Variants in CDH12 observed in about 807,000 individuals in gnomAD.
CDH12 encodes cadherin 12.
A neutral mutation model predicts 74.1 loss-of-function variants in CDH12; 41 were observed. That is an observed-to-expected ratio of 0.55 (90% CI 0.43 to 0.72). CDH12 has a LOEUF of 0.72. Ranked by LOEUF, CDH12 falls within the 30% of genes least tolerant of loss-of-function variation. The probability of loss-of-function intolerance (pLI) is 0.00; values close to 1 mark genes in which losing one functional copy is unlikely to be tolerated. For missense variants in CDH12, 945 were observed against 977.2 expected (o/e 0.97, Z 0.44); for synonymous variants, 399 against 355.0 (o/e 1.12, Z -1.39).
chr5:22,433,993 C>T (rs1328983459), intron 2 of CDH12, among the ~76,000 whole-genome samples: 2 of 152,112 alleles, frequency 1.3e-5, no homozygotes, highest in African/African-American at 4.8e-5. Context: ...TTTTCTGAGT[C>T]GTTCTGATCA....
In CDH12 at chr5:22,831,349, GTT is replaced by G. The variant is rs71609782; in HGVS notation, c.-523+21707_-523+21708del. On this transcript the variant is annotated intron_variant, in intron 1 of 14. Transcript: ENST00000382254. ...GACAAAGGAAGGTAGGGGTTTTGGA[GTT>G]TGTGTGTGTGTGTGTGTGTCTGTGT... Among the ~76,000 whole-genome samples, 591 of 117,260 alleles carry G rather than the reference GTT, an allele frequency of 5.0e-3. 7 individuals are homozygous for G. The highest frequency in any genetic ancestry group is 0.012 in the Admixed American group (107 of 9,128). The allele number at this position is 117,260 out of a possible 152,430, so 76.9% of individuals were successfully genotyped here.
intron 1 of CDH12, among the ~76,000 whole-genome samples, chr5:22,745,080 C>A (rs1745224489): frequency 6.6e-6 from 1 of 151,508 alleles, no homozygotes; most frequent in South Asian, 2.1e-4. Flanking sequence ...ATTGACTTTT[C>A]ATTGGCCTAT....
chr5:22,111,144 T>C (rs1744790701), intron 4 of CDH12, among the ~76,000 whole-genome samples: 1 of 152,126 alleles, frequency 6.6e-6, no homozygotes, highest in South Asian at 2.1e-4. Context: ...TTCCTTTTAT[T>C]TTCTTGGGTG....
intron 1 of CDH12, among the ~76,000 whole-genome samples, chr5:22,805,039 G>T (rs1025879196): frequency 6.6e-6 from 1 of 152,112 alleles, no homozygotes; most frequent in Non-Finnish European, 1.5e-5. Context: ...TACACTGCTG[G>T]TGGGAATGTA....
rs779453243 is a variant in CDH12 at position 21,752,051 on chromosome 5, T to C, written c.2071A>G (p.Arg691Gly). ...PKVIEENKIR[R>G]DIKPDSLCLP... ...CAGAGAGAGTCTGGTTTTATATCCCTGCGAATTTTGTTCTCCTCAATCACT... is the reference window on the plus strand; with the variant it reads ...CAGAGAGAGTCTGGTTTTATATCCCCGCGAATTTTGTTCTCCTCAATCACT... Residue 691 changes from arginine (R) to glycine (G), a missense_variant, in exon 15 of 15, where the codon AGG (arginine) becomes GGG (glycine). Arg to Gly is a moderately radical substitution (Grantham distance 125, BLOSUM62 -2). Around this residue, in one of 3 missense-constraint regions of CDH12, gnomAD observed 791 missense variants for 792.8 expected, o/e 1.00. Coordinates refer to ENST00000382254, the MANE Select transcript of CDH12 (RefSeq NM_004061.5). 1.9e-6 allele frequency: 3 copies of C among 1,614,030 alleles called. No individual in the cohort carries two copies. The highest frequency in any genetic ancestry group is 2.5e-6 in the Non-Finnish European group (3 of 1,180,032).
chr5:22,148,861 C>T (rs1369643950), intron 4 of CDH12, among the ~76,000 whole-genome samples: 1 of 152,180 alleles, frequency 6.6e-6, no homozygotes, highest in African/African-American at 2.4e-5. Flanking sequence ...TGGCTCATGC[C>T]TGTAATCCCA....
At chr5:22,471,268 A>C in intron 2 of CDH12, among the ~76,000 whole-genome samples, 1 of 152,166 alleles carries the variant, frequency 6.6e-6, no homozygotes, top group East Asian at 1.9e-4. Flanking sequence ...AGCTCTCTGC[A>C]GGTTTGTATG....
intron 3 of CDH12, among the ~76,000 whole-genome samples, chr5:22,368,172 C>T (rs893624560): frequency 6.6e-5 from 10 of 151,094 alleles, no homozygotes; most frequent in African/African-American, 9.7e-5. Context: ...ACATTTGAGC[C>T]GAAACTTCAT....
intron 2 of CDH12, among the ~76,000 whole-genome samples, chr5:22,445,957 T>A (rs1469599032): frequency 6.6e-6 from 1 of 152,288 alleles, no homozygotes; most frequent in East Asian, 1.9e-4. Context: ...GGTACACTTC[T>A]AGCATCTTTC....
At chr5:21,977,827 G>A (rs1481417898) in intron 5 of CDH12, among the ~76,000 whole-genome samples, 1 of 152,156 alleles carries the variant, frequency 6.6e-6, no homozygotes, top group African/African-American at 2.4e-5. Context: ...TGTAAATGAA[G>A]TGGATGACTA....
intron 3 of CDH12, among the ~76,000 whole-genome samples, chr5:22,289,346 G>A (rs571783019): frequency 9.4e-4 from 143 of 152,218 alleles, no homozygotes; most frequent in African/African-American, 3.3e-3. Context: ...GGAAATTGAA[G>A]GGCAACTGAA....
At chr5:22,046,556 G>C (rs139339877) in intron 5 of CDH12, among the ~76,000 whole-genome samples, 1 of 149,586 alleles carries the variant, frequency 6.7e-6, no homozygotes, top group African/African-American at 2.5e-5. Flanking sequence ...CTCAGCCTCC[G>C]GTCATTTAAT....
intron 1 of CDH12, among the ~76,000 whole-genome samples, chr5:22,818,588 TA>T (rs1470981491): frequency 6.6e-6 from 1 of 152,134 alleles, no homozygotes; most frequent in Non-Finnish European, 1.5e-5. Flanking sequence ...AAAGGATGCT[TA>T]AAAATCTAAA....
At chr5:21,930,885 G>T (rs886842245) in intron 6 of CDH12, among the ~76,000 whole-genome samples, 1 of 152,130 alleles carries the variant, frequency 6.6e-6, no homozygotes, top group Non-Finnish European at 1.5e-5. Context: ...TACCTCAAAT[G>T]AGCTGTATTT....
intron 1 of CDH12, among the ~76,000 whole-genome samples, chr5:22,735,701 C>G (rs1488292652): frequency 6.6e-6 from 1 of 151,724 alleles, no homozygotes; most frequent in Non-Finnish European, 1.5e-5. Flanking sequence ...CCATCTATTC[C>G]TGTAAAAAAT....
intron 1 of CDH12, among the ~76,000 whole-genome samples, chr5:22,760,726 AT>A (rs1746179165): frequency 6.6e-6 from 1 of 151,826 alleles, no homozygotes; most frequent in Admixed American, 6.6e-5. Context: ...AAATTAAAAA[AT>A]CAATACGTCA....
chr5:22,111,457 A>G (rs1056902274), intron 4 of CDH12, among the ~76,000 whole-genome samples: 1 of 152,180 alleles, frequency 6.6e-6, no homozygotes, highest in African/African-American at 2.4e-5. Flanking sequence ...TCTGTTCTCT[A>G]TACTTTGTTG....
chr5:21,811,460 T>C (rs995963155), intron 9 of CDH12, among the ~76,000 whole-genome samples: 10 of 152,028 alleles, frequency 6.6e-5, no homozygotes, highest in Admixed American at 6.6e-4. Flanking sequence ...TAACTCACTA[T>C]CCATGTTTAC....
chr5:22,823,614 C>T (rs1485696233), intron 1 of CDH12, among the ~76,000 whole-genome samples: 2 of 152,058 alleles, frequency 1.3e-5, no homozygotes, highest in Non-Finnish European at 2.9e-5. Context: ...GGCTGTGTGT[C>T]GCCAACCAAA....
Sources: allele counts gnomAD v4.1 joint callset (sites outside exome capture counted in the v4.1 genomes callset), GRCh38; gene constraint gnomAD v4.1.1; regional missense constraint gnomAD v4.1.1; transcripts MANE v1.5; gene names NCBI Gene and HGNC (gene_info 2026-07-23, HGNC 2026-07-21).